FAM171A2: variants seen among roughly 807,000 people sequenced by gnomAD.
The protein encoded by FAM171A2 is protein FAM171A2.
FAM171A2 carries 13 observed loss-of-function variants against 34.2 expected under a neutral mutation model. The ratio of observed to expected loss-of-function variants is 0.38; its 90% confidence interval spans 0.25 to 0.60. The LOEUF (loss-of-function observed/expected upper bound fraction) is 0.60, where lower values mean the gene tolerates loss of function less well. Among genes scored for constraint, FAM171A2 ranks in the 20% least tolerant of loss-of-function variants. FAM171A2 has a pLI of 0.62. For missense variants in FAM171A2, 950 were observed against 1,180.7 expected, an observed-to-expected ratio of 0.80 and a Z score of 2.86; for synonymous variants, 475 against 561.2, an observed-to-expected ratio of 0.85 and a Z score of 2.17.
chr17:44,363,685 G>C lies in FAM171A2; in HGVS notation c.30C>G (p.Leu10=). 3.3e-6 allele frequency: 4 copies of C among 1,223,064 alleles called. No individual in the cohort carries two copies. Among genetic ancestry groups the C allele is most frequent in the Non-Finnish European group, 4.1e-6 (4 of 982,006 alleles). The allele number at this position is 1,223,064 out of a possible 1,614,324, so 75.8% of individuals were successfully genotyped here. The change falls in exon 1 of 8, where the codon CTC becomes CTG. Residue 10 remains leucine (L), a synonymous_variant. Coordinates refer to ENST00000293443, the MANE Select transcript of FAM171A2 (RefSeq NM_198475.3). The part of the protein sequence containing the change: MPPASGPSV[L]ARLLPLLGLL... The stretch of plus-strand genomic sequence containing the variant: ...GCCCCAGCAGCGGCAACAGCCGCGC[G>C]AGGACGCTGGGGCCACTCGCCGGCG...
Position 44,360,099 on chromosome 17 carries a change from C to T in FAM171A2, c.152G>A (p.Gly51Glu). The part of the protein sequence containing the change: ...ILIKVQVYVS[G>E]ELVPLARASV... ...GGCCCGGGCCAGGGGCACCAGCTCC[C>T]CGCTCACATACACCTGCACCTTGAT... Residue 51 changes from glycine (G) to glutamate (E), a missense_variant, in exon 2 of 8, where the codon GGG becomes GAG. Around this residue, in one of 3 missense-constraint regions of FAM171A2, gnomAD observed 752 missense variants for 924.5 expected, o/e 0.81. Coordinates refer to ENST00000293443, the MANE Select transcript of FAM171A2 (RefSeq NM_198475.3). 1 of 1,551,646 alleles carries T rather than the reference C, an allele frequency of 6.4e-7. No homozygotes were observed. The highest frequency in any genetic ancestry group is 1.2e-5 in the South Asian group (1 of 84,060).
intron 3 of FAM171A2, 81 bp downstream of exon 3, chr17:44,359,498 A>C: frequency 8.1e-7 from 1 of 1,232,306 alleles, no homozygotes; most frequent in Non-Finnish European, 1.2e-6. Context: ...AAGGACACCC[A>C]GCTAATATAG....
chr17:44,355,645 T>G lies in FAM171A2; in HGVS notation c.1022+70A>C. On this transcript the variant is annotated intron_variant, in intron 7 of 7. Coordinates refer to ENST00000293443, the MANE Select transcript of FAM171A2 (RefSeq NM_198475.3). This position sits in a 1 kb window ranked among gnomAD's most constrained non-coding sequence, Gnocchi z 4.1. ...CTGCCCCTTGAGGACCAGAAGTGGATTTTATGCATCTTTGGGGCCCCAGGG... is the reference window on the plus strand; with the variant it reads ...CTGCCCCTTGAGGACCAGAAGTGGAGTTTATGCATCTTTGGGGCCCCAGGG... The G allele has an allele frequency of 1.3e-6, 2 of 1,539,546 alleles. No individual in the cohort carries two copies. The highest frequency in any genetic ancestry group is 1.8e-6 in the Non-Finnish European group (2 of 1,139,304).
At chr17:44,356,406 A>T in intron 4 of FAM171A2, 24 bp downstream of exon 4, 1 of 1,549,124 alleles carries the variant, frequency 6.5e-7, no homozygotes, top group Non-Finnish European at 8.7e-7. Flanking sequence ...GGGAGACCCC[A>T]TCCGTGCTGG....
intron 3 of FAM171A2, among the ~76,000 whole-genome samples, chr17:44,357,318 G>A (rs1042448887): frequency 1.4e-5 from 2 of 146,124 alleles, no homozygotes; most frequent in African/African-American, 5.1e-5. Context: ...TTGCACTCCT[G>A]TCTGGGCATC....
chr17:44,357,730 C>CATGTGTGTGTGTGTGTGT (rs142224027), intron 3 of FAM171A2, among the ~76,000 whole-genome samples: 1 of 143,268 alleles, frequency 7.0e-6, no homozygotes, highest in Admixed American at 6.9e-5. Context: ...CAGTTTAGGT[C>CATGTGTGTGTGTGTGTGT]GTGTGTGTGT....
intron 1 of FAM171A2, among the ~76,000 whole-genome samples, chr17:44,361,629 C>A (rs112833095): frequency 8.8e-4 from 134 of 152,292 alleles, no homozygotes; most frequent in African/African-American, 3.1e-3. Context: ...AGAGCCCAAC[C>A]CTGCAGGGTG....
rs2143361223 is a variant in FAM171A2, at chr17:44,354,192, C to T, written c.2022G>A (p.Gln674=). 2.2e-6 allele frequency: 3 copies of T among 1,385,146 alleles called. No homozygotes were observed. The highest frequency in any genetic ancestry group is 3.1e-5 in the East Asian group (1 of 31,828). 85.8% of individuals were successfully genotyped at this position (1,385,146 alleles called of 1,614,324 possible). The stretch of plus-strand genomic sequence containing the variant: ...CGGTGCTGCGTGCCCCGCCGCCCGC[C>T]TGCAGGTCGATGTAAGAGTGGCGCA... ...SQVRHSYIDL[Q]AGGGARSTDA... is the part of the protein sequence containing the mutation. Residue 674 remains glutamine, a synonymous_variant, in exon 8 of 8, where the codon CAG becomes CAA. Transcript: ENST00000293443. The surrounding 1 kb of genome is among the most constrained non-coding windows in gnomAD (Gnocchi z 5.8).
At chr17:44,357,268 A>ACCCAGGCAGC (rs2048428295) in intron 3 of FAM171A2, among the ~76,000 whole-genome samples, 1 of 151,482 alleles carries the variant, frequency 6.6e-6, no homozygotes, top group African/African-American at 2.4e-5. Context: ...AATCACTTGA[A>ACCCAGGCAGC]ACTGGGAGGG....
In FAM171A2 at chr17:44,354,296, T is replaced by C. The variant is rs753852041; in HGVS notation, c.1918A>G (p.Lys640Glu). 1.9e-5 allele frequency: 28 copies of C among 1,455,470 alleles called. No individual in the cohort carries two copies. Among genetic ancestry groups the C allele is most frequent in the Non-Finnish European group, 2.6e-5 (28 of 1,095,716 alleles). The allele number at this position is 1,455,470 out of a possible 1,614,324, so 90.2% of individuals were successfully genotyped here. A position where few individuals can be genotyped will look rare whatever the true frequency, so the allele number is the denominator to read the frequency against. The change falls in exon 8 of 8, where the codon AAG (lysine) becomes GAG (glutamate). Residue 640 changes from lysine (K) to glutamate (E), a missense_variant. Lys to Glu is a moderately conservative substitution (Grantham distance 56, BLOSUM62 1). Transcript: ENST00000293443. This position sits in a 1 kb window ranked among gnomAD's most constrained non-coding sequence, Gnocchi z 5.8. ...LNGELQALTE[K>E]KLLELGVKPH... is the part of the protein sequence containing the mutation. ...TTCACGCCCAGTTCCAGCAGCTTCT[T>C]CTCGGTCAGGGCCTGCAGCTCCCCG...
chr17:44,356,656 C>T, intron 3 of FAM171A2, 68 bp from the exon 4 acceptor site: 1 of 1,450,030 alleles, frequency 6.9e-7, no homozygotes, highest in Non-Finnish European at 9.1e-7. Context: ...GAGCAGAAAC[C>T]CATTATCTAA....
rs2048415728 is a variant in FAM171A2 at position 44,355,053 on chromosome 17, C to T, written c.1161G>A (p.Ser387=). ...ICGGPLEPAP[S]GDPEAPPPGP... ...CTGGAGGCGGAGCCTCGGGGTCCCC[C>T]GACGGGGCGGGTTCCAGGGGTCCCC... is the stretch of plus-strand genomic sequence containing the variant. Residue 387 remains serine, a synonymous_variant, in exon 8 of 8, where the codon TCG becomes TCA. Coordinates refer to ENST00000293443, the MANE Select transcript of FAM171A2 (RefSeq NM_198475.3). This position sits in a 1 kb window ranked among gnomAD's most constrained non-coding sequence, Gnocchi z 4.1. The T allele has an allele frequency of 2.6e-6, 4 of 1,544,274 alleles. No homozygotes were observed. The highest frequency in any genetic ancestry group is 3.5e-6 in the Non-Finnish European group (4 of 1,144,278).
chr17:44,355,898 G>A lies in FAM171A2; in HGVS notation c.896-57C>T, dbSNP rs555736131. 1 of 1,548,322 alleles carries A rather than the reference G, an allele frequency of 6.5e-7. No homozygotes were observed. Among genetic ancestry groups the A allele is most frequent in the South Asian group, 1.2e-5 (1 of 83,934 alleles). On this transcript the variant is annotated intron_variant, in intron 6 of 7. Coordinates refer to ENST00000293443, the MANE Select transcript of FAM171A2 (RefSeq NM_198475.3). The surrounding 1 kb of genome is among the most constrained non-coding windows in gnomAD (Gnocchi z 4.1). ...TAGACACCCTTCCTGCCTTTCAGAA[G>A]TCTGCTCTCCCAGCTCCCCTCCTCC...
At chr17:44,357,471 A>AC (rs1167854036) in intron 3 of FAM171A2, among the ~76,000 whole-genome samples, 1 of 151,592 alleles carries the variant, frequency 6.6e-6, no homozygotes, top group African/African-American at 2.4e-5. Context: ...AGATGGTGAA[A>AC]CCCCATCTCT....
intron 3 of FAM171A2, chr17:44,359,175 G>A: frequency 5.3e-6 from 1 of 187,760 alleles, no homozygotes; most frequent in Non-Finnish European, 1.1e-5. Context: ...AGCTGAGCGA[G>A]ACCAAAAGCC....
chr17:44,356,314 C>T lies in FAM171A2; in HGVS notation c.637G>A (p.Val213Met). 6.5e-7 allele frequency: 1 copy of T among 1,549,686 alleles called. No homozygotes were observed. Among genetic ancestry groups the T allele is most frequent in the Non-Finnish European group, 8.7e-7 (1 of 1,145,796 alleles). ...TTACCTGTCAGCAGGTGCACGCTCA[C>T]AGCAGTCAGGGGCATCAGCTCCAGC... is the stretch of plus-strand genomic sequence containing the variant. ...SWLELMPLTA[V>M]SVHLLTGNGT... The change falls in exon 5 of 8, where the codon GTG becomes ATG. Residue 213 changes from valine to methionine, a missense_variant. Physicochemically the swap from Val to Met is conservative, Grantham distance 21. This residue lies in a region of FAM171A2 where 752 missense variants were observed against 924.5 expected (regional missense o/e 0.81). Coordinates refer to ENST00000293443, the MANE Select transcript of FAM171A2 (RefSeq NM_198475.3).
chr17:44,362,199 T>C (rs2048450870), intron 1 of FAM171A2, among the ~76,000 whole-genome samples: 1 of 152,034 alleles, frequency 6.6e-6, no homozygotes, highest in African/African-American at 2.4e-5. Flanking sequence ...ATCCTGGCTC[T>C]ATTCCAGCCA....
rs1441850912 is a variant in FAM171A2, at chr17:44,353,644, C to T, written c.*89G>A. 4 of 1,029,332 alleles carry T rather than the reference C, an allele frequency of 3.9e-6. No individual in the cohort carries two copies. The highest frequency in any genetic ancestry group is 4.7e-5 in the Admixed American group (1 of 21,402). The allele number at this position is 1,029,332 out of a possible 1,614,324, so 63.8% of individuals were successfully genotyped here. A position where few individuals can be genotyped will look rare whatever the true frequency, so the allele number is the denominator to read the frequency against. On this transcript the variant is annotated 3_prime_UTR_variant, in exon 8 of 8. Transcript: ENST00000293443. ...CCCCTCTCCGGCCTGGGGCTGGGAG[C>T]TACGCGCGAGGGCCCCCGCGGGCCC...
chr17:44,359,534 T>G (rs2050647880), intron 3 of FAM171A2, 45 bp downstream of exon 3: 4 of 1,502,884 alleles, frequency 2.7e-6, no homozygotes, highest in Non-Finnish European at 3.6e-6. Context: ...TACACCTAGG[T>G]CAGGGGAAGG....
Sources: allele counts gnomAD v4.1 joint callset (sites outside exome capture counted in the v4.1 genomes callset), GRCh38; gene constraint gnomAD v4.1.1; regional missense constraint gnomAD v4.1.1; non-coding constraint Gnocchi (gnomAD v3.1); transcripts MANE v1.5; gene names NCBI Gene and HGNC (gene_info 2026-07-23, HGNC 2026-07-21).